ADARB2: variants seen among roughly 807,000 people sequenced by gnomAD.
ADARB2 encodes adenosine deaminase RNA specific B2 (inactive).
In ADARB2, 25 loss-of-function variants were observed where a neutral mutation model predicts 62.2. The observed-to-expected ratio is 0.40, with a 90% confidence interval of 0.29 to 0.56. ADARB2 has a LOEUF of 0.56. ADARB2 is among the 20% of genes least tolerant of loss of function. The pLI, the probability that ADARB2 is intolerant of heterozygous loss-of-function variation, is 0.43. For missense variants in ADARB2, 1,071 were observed against 1,077.4 expected, an observed-to-expected ratio of 0.99 and a Z score of 0.08; for synonymous variants, 572 against 500.8, an observed-to-expected ratio of 1.14 and a Z score of -1.90.
intron 8 of ADARB2, among the ~76,000 whole-genome samples, chr10:1,189,394 A>T (rs540326964): frequency 2.5e-4 from 38 of 152,134 alleles, no homozygotes; most frequent in African/African-American, 8.9e-4. Context: ...GAAAGGGTTG[A>T]AGGTGTTAGG....
At chr10:1,455,410 T>C (rs1174991641) in intron 1 of ADARB2, among the ~76,000 whole-genome samples, 1 of 152,178 alleles carries the variant, frequency 6.6e-6, no homozygotes, top group Non-Finnish European at 1.5e-5. Context: ...TATGATGATA[T>C]TGAATTACTT....
intron 1 of ADARB2, among the ~76,000 whole-genome samples, chr10:1,730,133 G>A (rs900915143): frequency 1.2e-4 from 19 of 152,150 alleles, no homozygotes; most frequent in African/African-American, 4.3e-4. Flanking sequence ...TAGATTCTGA[G>A]CAATGTTCAT....
At chr10:1,538,564 A>G (rs1486549528) in intron 1 of ADARB2, among the ~76,000 whole-genome samples, 1 of 152,174 alleles carries the variant, frequency 6.6e-6, no homozygotes, top group Non-Finnish European at 1.5e-5. Context: ...CCTGACCCAG[A>G]CCTGCGGGAA....
At chr10:1,265,866 C>A (rs1273000105) in intron 4 of ADARB2, among the ~76,000 whole-genome samples, 2 of 118,818 alleles carry the variant, frequency 1.7e-5, no homozygotes, top group African/African-American at 3.2e-5. Context: ...CACGCTCCCC[C>A]GGAAGACGGC....
intron 1 of ADARB2, among the ~76,000 whole-genome samples, chr10:1,727,287 G>A (rs1564206028): frequency 6.6e-6 from 1 of 152,040 alleles, no homozygotes; most frequent in Non-Finnish European, 1.5e-5. Flanking sequence ...CCACACCTGC[G>A]GGGAGCCCCG....
chr10:1,585,957 C>G (rs1408678913), intron 1 of ADARB2, among the ~76,000 whole-genome samples: 1 of 152,126 alleles, frequency 6.6e-6, no homozygotes, highest in Non-Finnish European at 1.5e-5. Context: ...TGGTGTGAAC[C>G]TGGGAGGCGG....
At chr10:1,652,787 G>A (rs1411197978) in intron 1 of ADARB2, among the ~76,000 whole-genome samples, 1 of 152,124 alleles carries the variant, frequency 6.6e-6, no homozygotes, top group Non-Finnish European at 1.5e-5. Flanking sequence ...ACTTGACTGT[G>A]TGCTTTCACT....
At chr10:1,576,028 G>C (rs1833010240) in intron 1 of ADARB2, among the ~76,000 whole-genome samples, 1 of 79,248 alleles carries the variant, frequency 1.3e-5, no homozygotes, top group African/African-American at 5.4e-5. Context: ...AGGGGGCCCA[G>C]GGCCACTCGG....
rs140951725 is a variant in ADARB2 at position 1,670,756 on chromosome 10, C to A, written c.100+66295G>T. Among the ~76,000 whole-genome samples the A allele has an allele frequency of 3.4e-3, 515 of 152,294 alleles. 4 individuals carry two copies. The highest frequency in any genetic ancestry group is 0.012 in the African/African-American group (488 of 41,554). On this transcript the variant is annotated intron_variant, in intron 1 of 9. Transcript: ENST00000381312. ...CGGGCACACAGTGGGGCCAACACTACGGCTTCCTGAGCTGTCCAGCAGGTT... is the reference window on the plus strand; with the variant it reads ...CGGGCACACAGTGGGGCCAACACTAAGGCTTCCTGAGCTGTCCAGCAGGTT...
intron 1 of ADARB2, among the ~76,000 whole-genome samples, chr10:1,596,896 G>A (rs1041284173): frequency 4.6e-5 from 7 of 152,116 alleles, no homozygotes; most frequent in Non-Finnish European, 2.9e-5. Context: ...TCCATTTCCC[G>A]TCACTGGTGC....
At chr10:1,390,019 C>T (rs76033863) in intron 1 of ADARB2, among the ~76,000 whole-genome samples, 3,238 of 152,128 alleles carry the variant, frequency 0.021, 114 homozygotes, top group African/African-American at 0.073. Flanking sequence ...TCAAACTATT[C>T]GTCACAGCTT....
chr10:1,531,611 G>C (rs556292515), intron 1 of ADARB2, among the ~76,000 whole-genome samples: 1 of 152,134 alleles, frequency 6.6e-6, no homozygotes, highest in Non-Finnish European at 1.5e-5. Context: ...AGGCCGAGTG[G>C]GTGGATCACA....
chr10:1,526,613 G>T (rs1025742047), intron 1 of ADARB2: 2 of 242,730 alleles, frequency 8.2e-6, no homozygotes, highest in Non-Finnish European at 8.8e-6. Context: ...CTCCCCATCG[G>T]CCACGAGTGA....
chr10:1,651,280 CAT>C (rs1322999624), intron 1 of ADARB2, among the ~76,000 whole-genome samples: 1 of 152,258 alleles, frequency 6.6e-6, no homozygotes, highest in Non-Finnish European at 1.5e-5. Context: ...GCTCAGAATA[CAT>C]AGTTTCTCCA....
At chr10:1,203,396 C>T (rs1837011821) in intron 7 of ADARB2, among the ~76,000 whole-genome samples, 1 of 152,212 alleles carries the variant, frequency 6.6e-6, no homozygotes, top group Non-Finnish European at 1.5e-5. Flanking sequence ...CGGCATCAGG[C>T]AGGGAACAGG....
intron 1 of ADARB2, among the ~76,000 whole-genome samples, chr10:1,711,392 C>T (rs1396460520): frequency 6.6e-6 from 1 of 152,196 alleles, no homozygotes; most frequent in Non-Finnish European, 1.5e-5. Context: ...CTGGGAAACT[C>T]CTACCCCTGG....
chr10:1,356,033 G>A (rs1372583434), intron 3 of ADARB2, among the ~76,000 whole-genome samples: 1 of 152,154 alleles, frequency 6.6e-6, no homozygotes, highest in Non-Finnish European at 1.5e-5. Flanking sequence ...AGCCTCTAGT[G>A]CCTCATTAAG....
chr10:1,273,749 C>T (rs889047486), intron 3 of ADARB2, among the ~76,000 whole-genome samples: 1 of 152,200 alleles, frequency 6.6e-6, no homozygotes, highest in African/African-American at 2.4e-5. Flanking sequence ...CCATGACAGA[C>T]GGTGAAGGTG....
intron 1 of ADARB2, chr10:1,556,502 C>T (rs942661245): frequency 1.6e-5 from 6 of 369,576 alleles, no homozygotes; most frequent in Non-Finnish European, 2.2e-5. Flanking sequence ...GCTGGTGCTT[C>T]GCAAACTTTG....
Sources: allele counts gnomAD v4.1 joint callset (sites outside exome capture counted in the v4.1 genomes callset), GRCh38; gene constraint gnomAD v4.1.1; transcripts MANE v1.5; gene names NCBI Gene and HGNC (gene_info 2026-07-23, HGNC 2026-07-21).